Variants in HAT1 observed in about 807,000 individuals in gnomAD.
HAT1 encodes histone acetyltransferase 1, also known as histone acetyltransferase type B catalytic subunit.
In HAT1, 20 loss-of-function variants were observed where a neutral mutation model predicts 56.6. The ratio of observed to expected loss-of-function variants is 0.35; its 90% CI spans 0.25 to 0.51. The LOEUF is 0.51. Ranked by LOEUF, HAT1 falls within the 20% of genes least tolerant of loss-of-function variation. The pLI is 0.95. For missense variants in HAT1, 408 were observed against 504.3 expected (o/e 0.81, Z 1.83); for synonymous variants, 146 against 165.5 (o/e 0.88, Z 0.91).
At chr2:171,946,926 T>G (rs894814259) in intron 3 of HAT1, 143 bp downstream of exon 3, 2 of 548,660 alleles carry the variant, frequency 3.6e-6, no homozygotes, top group African/African-American at 3.9e-5. Context: ...AATGGTGTTT[T>G]TTTACATTGA....
At chr2:171,949,385 A>T (rs1028426699) in intron 3 of HAT1, among the ~76,000 whole-genome samples, 5 of 151,850 alleles carry the variant, frequency 3.3e-5, no homozygotes, top group African/African-American at 1.2e-4. Flanking sequence ...GCTAATTTTT[A>T]AAAATTTTTT....
chr2:171,977,571 T>A (rs11689633), intron 9 of HAT1, among the ~76,000 whole-genome samples: 25 of 71,622 alleles, frequency 3.5e-4, no homozygotes, highest in African/African-American at 8.6e-4. Context: ...TTTTTTTTTT[T>A]TTTTTTTTAA....
intron 2 of HAT1, among the ~76,000 whole-genome samples, chr2:171,938,024 T>TTCTCTCTCTCTCTCTCTCTCTCTC (rs374402453): frequency 1.9e-5 from 2 of 104,846 alleles, no homozygotes; most frequent in East Asian, 3.5e-4. Context: ...TGTCTACTGA[T>TTCTCTCTCTCTCTCTCTCTCTCTC]TCTCTCTCTC....
At chr2:171,976,946 C>T (rs1454130845) in intron 9 of HAT1, among the ~76,000 whole-genome samples, 3 of 139,784 alleles carry the variant, frequency 2.1e-5, no homozygotes, top group Non-Finnish European at 3.1e-5. Context: ...GAGGCCGAGG[C>T]GGACAGATCA....
chr2:171,958,982 TG>T (rs1461324288), intron 4 of HAT1, among the ~76,000 whole-genome samples: 1 of 152,202 alleles, frequency 6.6e-6, no homozygotes, highest in African/African-American at 2.4e-5. Flanking sequence ...GAGTTCTATT[TG>T]GTTTTTTTGT....
chr2:171,972,185 T>C (rs2105340836), intron 8 of HAT1, among the ~76,000 whole-genome samples: 1 of 152,084 alleles, frequency 6.6e-6, no homozygotes, highest in Middle Eastern at 3.4e-3. Context: ...TATGAAATGC[T>C]ATCTGCATCT....
chr2:171,977,117 G>A (rs1031115446), intron 9 of HAT1, among the ~76,000 whole-genome samples: 2 of 151,596 alleles, frequency 1.3e-5, no homozygotes, highest in African/African-American at 4.9e-5. Flanking sequence ...AGGTTGCAGT[G>A]AGCTGAGATG....
At chr2:171,922,670 CT>C in intron 1 of HAT1, 163 bp downstream of exon 1, 1 of 517,108 alleles carries the variant, frequency 1.9e-6, no homozygotes, top group Non-Finnish European at 3.1e-6. Context: ...CCAGCAGCTC[CT>C]TGTTGGCGGC....
At chr2:171,967,189 G>A (rs1198924450) in intron 8 of HAT1, among the ~76,000 whole-genome samples, 2 of 152,054 alleles carry the variant, frequency 1.3e-5, no homozygotes, top group African/African-American at 4.8e-5. Context: ...AATATATATG[G>A]GGAAGTCTTG....
intron 4 of HAT1, 25 bp from the exon 5 acceptor site, chr2:171,965,313 A>C (rs1320212988): frequency 7.1e-7 from 1 of 1,413,256 alleles, no homozygotes; most frequent in African/African-American, 1.4e-5. Flanking sequence ...TTTGTTATTA[A>C]TTTTTTATAT....
At chr2:171,944,379 CTG>C (rs1436023276) in intron 2 of HAT1, among the ~76,000 whole-genome samples, 1 of 152,172 alleles carries the variant, frequency 6.6e-6, no homozygotes. Context: ...CCTCTATCCT[CTG>C]TATTTCCTGT....
intron 2 of HAT1, among the ~76,000 whole-genome samples, chr2:171,935,078 G>A (rs1417802939): frequency 6.6e-6 from 1 of 151,352 alleles, no homozygotes; most frequent in African/African-American, 2.4e-5. Flanking sequence ...CTTTTTACGA[G>A]GCTGCTATGA....
At chr2:171,976,345 TACAA>T (rs762698261) in intron 9 of HAT1, 37 bp downstream of exon 9, 7 of 1,331,458 alleles carry the variant, frequency 5.3e-6, no homozygotes, top group Non-Finnish European at 7.2e-6. Flanking sequence ...AGATTTAAAT[TACAA>T]ACAAATTTTT....
At position 171,930,518 on chromosome 2, in the gene HAT1, T is replaced by A. The variant is rs192424685; in HGVS notation, c.112+4877T>A. 5.6e-4 allele frequency among the ~76,000 whole-genome samples: 86 copies of A among 152,362 alleles called. 2 individuals are homozygous for A. In the Middle Eastern group the frequency reaches 0.01, roughly 18 times the overall value. ...CTCTTCCAATTGCTTGTTTTATGTG[T>A]GTGCATGTGCATATGCATGGACACA... On this transcript the variant is annotated intron_variant, in intron 2 of 10. Coordinates refer to ENST00000264108, the MANE Select transcript of HAT1 (RefSeq NM_003642.4).
intron 2 of HAT1, among the ~76,000 whole-genome samples, chr2:171,946,108 T>C (rs775545871): frequency 1.3e-5 from 2 of 152,228 alleles, no homozygotes; most frequent in Non-Finnish European, 2.9e-5. Flanking sequence ...CTGGCCACTT[T>C]AGCAATATTT....
At chr2:171,955,426 A>G (rs1687415902) in intron 4 of HAT1, among the ~76,000 whole-genome samples, 5 of 152,144 alleles carry the variant, frequency 3.3e-5, no homozygotes, top group Middle Eastern at 3.2e-3. Context: ...AGCCTGGCCA[A>G]CATGGTGAAA....
rs757848268 is a variant in HAT1, at chr2:171,969,997, T to A, written c.823+3048T>A. 7.5e-4 allele frequency among the ~76,000 whole-genome samples: 114 copies of A among 151,896 alleles called. 1 individual carries two copies. Among genetic ancestry groups the A allele is most frequent in the African/African-American group, 2.1e-3 (85 of 41,416 alleles). On this transcript the variant is annotated intron_variant, in intron 8 of 10. Coordinates refer to ENST00000264108, the MANE Select transcript of HAT1 (RefSeq NM_003642.4). ...GGAGATTCCCGTCTCTATAAAAAAA[T>A]TTTTTTTAATTAGCTGGATATGGTG... is the stretch of plus-strand genomic sequence containing the variant.
At chr2:171,960,569 T>A (rs1687548371) in intron 4 of HAT1, among the ~76,000 whole-genome samples, 1 of 152,226 alleles carries the variant, frequency 6.6e-6, no homozygotes, top group Admixed American at 6.5e-5. Context: ...CTGAATGCTC[T>A]AGTTGCACCT....
chr2:171,935,704 C>T lies in HAT1; in HGVS notation c.112+10063C>T, dbSNP rs1413178076. The stretch of plus-strand genomic sequence containing the variant: ...CCAGCTTGGGCAACATAGGGAGACC[C>T]CATTTCTACAAAAAATAAAATATTA... On this transcript the variant is annotated intron_variant, in intron 2 of 10. Transcript: ENST00000264108. Among the ~76,000 whole-genome samples, 12 of 151,628 alleles carry T rather than the reference C, an allele frequency of 7.9e-5. 1 individual carries two copies. Among genetic ancestry groups the T allele is most frequent in the Admixed American group, 7.9e-4 (12 of 15,190 alleles).
Sources: allele counts gnomAD v4.1 joint callset (sites outside exome capture counted in the v4.1 genomes callset), GRCh38; gene constraint gnomAD v4.1.1; transcripts MANE v1.5; gene names NCBI Gene and HGNC (gene_info 2026-07-23, HGNC 2026-07-21).